Variants in RAB3IL1 observed in about 807,000 individuals in gnomAD.
The protein encoded by RAB3IL1 is RAB3A interacting protein like 1.
RAB3IL1 carries 37 observed loss-of-function variants against 49.2 expected under a neutral mutation model. The observed-to-expected ratio is 0.75, with a 90% CI of 0.58 to 0.99. The LOEUF (loss-of-function observed/expected upper bound fraction) is 0.99. Among genes scored for constraint, RAB3IL1 ranks in the 50% least tolerant of loss-of-function variants. The pLI is 0.00. For synonymous variants in RAB3IL1, 193 were observed against 213.9 expected (o/e 0.90, Z 0.85); for missense variants, 484 against 513.0 (o/e 0.94, Z 0.55).
chr11:61,906,493 G>A lies in RAB3IL1; in HGVS notation c.630C>T (p.Thr210=), dbSNP rs1384469746. The A allele has an allele frequency of 1.9e-6, 3 of 1,546,334 alleles. No homozygotes were observed. ...CCTTGCCCTCTCTGTCTGGGGTGAG[G>A]GTGTGTCCCGCAGCGGGACACACGG... is the stretch of plus-strand genomic sequence containing the variant. ...CPAVCPAAGH[T]LTPDREGKEV... is the part of the protein sequence containing the mutation. The change falls in exon 5 of 10, where the codon ACC becomes ACT. Residue 210 remains threonine, a synonymous_variant. Transcript: ENST00000394836. The surrounding 1 kb of genome is among the most constrained non-coding windows in gnomAD (Gnocchi z 4.6).
chr11:61,917,664 A>G, upstream of RAB3IL1: 1 of 733,470 alleles, frequency 1.4e-6, no homozygotes, highest in Non-Finnish European at 1.7e-6. Context: ...GCCTGGCCCC[A>G]CCCGGCCCGC....
At chr11:61,920,388 T>A, upstream of RAB3IL1, 2 of 664,094 alleles carry the variant, frequency 3.0e-6, no homozygotes, top group Non-Finnish European at 4.2e-6. Context: ...CTGTGGCTCC[T>A]CAGGCAGCAG....
chr11:61,917,180 C>A (rs1057411856), intron 1 of RAB3IL1, among the ~76,000 whole-genome samples, 177 bp downstream of exon 1: 4 of 152,140 alleles, frequency 2.6e-5, no homozygotes, highest in Non-Finnish European at 4.4e-5. Context: ...GAGAGACACC[C>A]CCGACCCCTC....
the RAB3IL1 span, among the ~76,000 whole-genome samples, chr11:61,939,417 G>A: frequency 6.6e-6 from 1 of 152,042 alleles, no homozygotes; most frequent in African/African-American, 2.4e-5. Context: ...CTACATCAAA[G>A]AGAAGAAAGA....
chr11:61,901,503 C>T (rs1938914244), intron 8 of RAB3IL1, among the ~76,000 whole-genome samples: 3 of 152,202 alleles, frequency 2.0e-5, no homozygotes, highest in African/African-American at 7.2e-5. Context: ...AACTGGAACT[C>T]TAGCATCACT....
chr11:61,934,993 C>A, the RAB3IL1 span, among the ~76,000 whole-genome samples: 6 of 152,116 alleles, frequency 3.9e-5, no homozygotes. Context: ...CAATAACAAA[C>A]TCTGGGGTGC....
upstream of RAB3IL1, among the ~76,000 whole-genome samples, chr11:61,919,135 T>TA (rs1939828054): frequency 6.6e-6 from 1 of 152,172 alleles, no homozygotes; most frequent in African/African-American, 2.4e-5. Flanking sequence ...ACAGGGCCCT[T>TA]GCCCTCCAAG....
chr11:61,913,959 A>G (rs906898734), intron 1 of RAB3IL1, among the ~76,000 whole-genome samples: 2 of 152,128 alleles, frequency 1.3e-5, no homozygotes, highest in African/African-American at 2.4e-5. Context: ...GAACAGCAGG[A>G]AAGATCTCCA....
At chr11:61,907,497 G>T in intron 3 of RAB3IL1, 27 bp from the exon 4 acceptor site, 1 of 1,614,084 alleles carries the variant, frequency 6.2e-7, no homozygotes, top group Non-Finnish European at 8.5e-7. Context: ...CCCTGCGTGA[G>T]TGGTGAGGAG....
upstream of RAB3IL1, among the ~76,000 whole-genome samples, chr11:61,918,218 C>T (rs1393351220): frequency 6.6e-6 from 1 of 152,042 alleles, no homozygotes; most frequent in Admixed American, 6.6e-5. Context: ...GAATCCCAGA[C>T]GACTGGTCTA....
At chr11:61,918,332 G>A (rs750815198), upstream of RAB3IL1, among the ~76,000 whole-genome samples, 5 of 152,140 alleles carry the variant, frequency 3.3e-5, no homozygotes, top group African/African-American at 4.8e-5. Flanking sequence ...CTTCTCTCCC[G>A]CCAGGTACCA....
the RAB3IL1 span, among the ~76,000 whole-genome samples, chr11:61,939,435 T>C: frequency 2.6e-5 from 4 of 151,836 alleles, no homozygotes; most frequent in African/African-American, 7.3e-5. Flanking sequence ...AGATCTCCAA[T>C]TAATAACCTA....
At chr11:61,911,621 G>A (rs1939456585) in intron 1 of RAB3IL1, among the ~76,000 whole-genome samples, 1 of 152,116 alleles carries the variant, frequency 6.6e-6, no homozygotes, top group African/African-American at 2.4e-5. Flanking sequence ...CGGGTCCACC[G>A]CTCTCTGTAC....
chr11:61,943,007 T>C, the RAB3IL1 span, among the ~76,000 whole-genome samples: 1 of 152,336 alleles, frequency 6.6e-6, no homozygotes, highest in African/African-American at 2.4e-5. Context: ...GGCAAGGCGA[T>C]CCTAAAATTC....
chr11:61,899,638 A>C (rs1206439792), intron 8 of RAB3IL1: 1 of 453,716 alleles, frequency 2.2e-6, no homozygotes, highest in Non-Finnish European at 4.0e-6. Context: ...ATTCCATCTT[A>C]CATGGGGGAA....
rs1938685973 is a variant in RAB3IL1 at position 61,897,617 on chromosome 11, G to C, written c.*661C>G. 1 of 152,198 alleles carries C rather than the reference G, an allele frequency of 6.6e-6. No homozygotes were observed. Among genetic ancestry groups the C allele is most frequent in the South Asian group, 2.1e-4 (1 of 4,818 alleles). The allele number at this position is 152,198 out of a possible 1,614,324, so 9.4% of individuals were successfully genotyped here. A position where few individuals can be genotyped will look rare whatever the true frequency, so the allele number is the denominator to read the frequency against. Reference sequence around the variant, plus strand: ...GCCTCCAGGAGCACAGGGCTGAGACGGGGTGGGAGGGAAGGTGACAAGGGA... The same window carrying C: ...GCCTCCAGGAGCACAGGGCTGAGACCGGGTGGGAGGGAAGGTGACAAGGGA... On this transcript the variant is annotated 3_prime_UTR_variant, in exon 10 of 10. Coordinates refer to ENST00000394836, the MANE Select transcript of RAB3IL1 (RefSeq NM_013401.4).
chr11:61,944,414 T>G, the RAB3IL1 span, among the ~76,000 whole-genome samples: 1 of 151,834 alleles, frequency 6.6e-6, no homozygotes, highest in Non-Finnish European at 1.5e-5. Flanking sequence ...AGGGATTGTA[T>G]GTGTGAGCCA....
chr11:61,917,692 A>G (rs1939771284), upstream of RAB3IL1: 1 of 478,796 alleles, frequency 2.1e-6, no homozygotes, highest in Non-Finnish European at 2.7e-6. Context: ...GGACAGGGAG[A>G]CCACGGCGCT....
chr11:61,938,941 TAATA>T, the RAB3IL1 span, among the ~76,000 whole-genome samples: 19 of 150,476 alleles, frequency 1.3e-4, no homozygotes, highest in South Asian at 1.1e-3. Context: ...TAAAAAAAAG[TAATA>T]AATAAATAAA....
Sources: gnomAD v4.1 joint callset for allele counts (sites outside exome capture counted in the v4.1 genomes callset) on GRCh38, gnomAD v4.1.1 for gene constraint, Gnocchi (gnomAD v3.1) non-coding constraint, MANE v1.5 for transcripts, NCBI Gene and HGNC (gene_info 2026-07-23, HGNC 2026-07-21) for gene names.